The following PCNX1 variants were observed in gnomAD, a reference collection of about 807,000 sequenced individuals.
PCNX1 encodes the protein pecanex-like protein 1.
PCNX1 carries 78 observed loss-of-function variants against 242.2 expected under a neutral mutation model. The ratio of observed to expected loss-of-function variants is 0.32; its 90% CI spans 0.27 to 0.39. The LOEUF (loss-of-function observed/expected upper bound fraction) is 0.39, where lower values mean the gene tolerates loss of function less well. Among genes scored for constraint, PCNX1 ranks in the 10% least tolerant of loss-of-function variants. PCNX1 has a pLI of 1.00. For missense variants in PCNX1, 2,581 were observed against 2,856.5 expected, an observed-to-expected ratio of 0.90 and a Z score of 2.20; for synonymous variants, 1,024 against 1,032.9, an observed-to-expected ratio of 0.99 and a Z score of 0.17.
intron 5 of PCNX1, among the ~76,000 whole-genome samples, chr14:70,971,024 C>T (rs1038019307): frequency 2.0e-5 from 3 of 151,182 alleles, no homozygotes; most frequent in Non-Finnish European, 4.4e-5. Context: ...GAAACTTGCT[C>T]AAAGTCCCAC....
chr14:70,925,138 G>A (rs1037690595), intron 1 of PCNX1, among the ~76,000 whole-genome samples: 8 of 151,952 alleles, frequency 5.3e-5, no homozygotes, highest in Non-Finnish European at 7.4e-5. Context: ...ACAGGCGTGC[G>A]CCACAACGTC....
intron 13 of PCNX1, among the ~76,000 whole-genome samples, chr14:71,024,002 C>G (rs2060173167): frequency 6.6e-6 from 1 of 152,054 alleles, no homozygotes; most frequent in South Asian, 2.1e-4. Flanking sequence ...TATATGGAAA[C>G]ATTGCTTTTC....
intron 6 of PCNX1, among the ~76,000 whole-genome samples, chr14:70,981,446 C>A (rs2058837395): frequency 6.6e-6 from 1 of 152,080 alleles, no homozygotes; most frequent in Admixed American, 6.5e-5. Flanking sequence ...TTATTAACAT[C>A]AATTTAGTGA....
chr14:70,987,397 A>C (rs2059031168), intron 6 of PCNX1, among the ~76,000 whole-genome samples: 1 of 152,214 alleles, frequency 6.6e-6, no homozygotes, highest in South Asian at 2.1e-4. Context: ...AAATAGCCAC[A>C]TATGGCTAAT....
intron 13 of PCNX1, among the ~76,000 whole-genome samples, chr14:71,024,853 T>A (rs2060197718): frequency 6.6e-6 from 1 of 152,232 alleles, no homozygotes; most frequent in South Asian, 2.1e-4. Flanking sequence ...GATATTCACA[T>A]ATGTGCACTG....
Position 70,908,149 on chromosome 14 carries a change from G to A in PCNX1, c.153+146G>A, listed in dbSNP as rs1191088095. The A allele has an allele frequency of 5.7e-6, 4 of 699,324 alleles. No homozygotes were observed. The African/African-American group carries it at 7.6e-5, about 13-fold the overall frequency. The allele number at this position is 699,324 out of a possible 1,614,324, so 43.3% of individuals were successfully genotyped here. A position where few individuals can be genotyped will look rare whatever the true frequency, so the allele number is the denominator to read the frequency against. The stretch of plus-strand genomic sequence containing the variant: ...GTGAGGCTCCCCGCCCCCACTGCGT[G>A]CTCCCACTCCTCTCTTCGGGGCTTT... On this transcript the variant is annotated intron_variant, in intron 1 of 35. Transcript: ENST00000304743.
At position 71,110,219 on chromosome 14, in the gene PCNX1, T is replaced by C. The variant is rs1174127637; in HGVS notation, c.*284T>C. The stretch of plus-strand genomic sequence containing the variant: ...TTAAAATACATCCTTAAAAAAAGTT[T>C]TTCCTATGCATTGCCTATGCTTTAA... On this transcript the variant is annotated 3_prime_UTR_variant, in exon 36 of 36. Coordinates refer to ENST00000304743, the MANE Select transcript of PCNX1 (RefSeq NM_014982.3). 3.3e-5 allele frequency: 14 copies of C among 419,742 alleles called. No individual in the cohort carries two copies. The East Asian group carries it at 7.0e-4, about 21-fold the overall frequency. 26.0% of individuals were successfully genotyped at this position (419,742 alleles called of 1,614,324 possible).
chr14:70,991,570 G>A (rs2059168443), intron 7 of PCNX1, among the ~76,000 whole-genome samples: 1 of 152,138 alleles, frequency 6.6e-6, no homozygotes. Flanking sequence ...TAATCAGCTT[G>A]TAGTTTTTGT....
chr14:70,954,591 G>A (rs374765005), intron 2 of PCNX1, among the ~76,000 whole-genome samples: 5 of 152,010 alleles, frequency 3.3e-5, no homozygotes, highest in Non-Finnish European at 7.4e-5. Context: ...GGAAATTTAT[G>A]ATTTTATAGT....
At chr14:71,062,502 T>TA (rs1243471644) in intron 26 of PCNX1, among the ~76,000 whole-genome samples, 3 of 151,824 alleles carry the variant, frequency 2.0e-5, no homozygotes, top group Non-Finnish European at 4.4e-5. Flanking sequence ...GTTTAAAAAT[T>TA]AAAAAAATTT....
At chr14:70,961,802 C>G (rs995904983) in intron 2 of PCNX1, among the ~76,000 whole-genome samples, 13 of 152,038 alleles carry the variant, frequency 8.6e-5, no homozygotes, top group Admixed American at 7.9e-4. Context: ...AGACTGATCT[C>G]GAGGGGATTC....
At chr14:70,930,608 ATATT>A (rs1296913298) in intron 1 of PCNX1, among the ~76,000 whole-genome samples, 1 of 152,136 alleles carries the variant, frequency 6.6e-6, no homozygotes, top group Non-Finnish European at 1.5e-5. Flanking sequence ...TTATATTAAA[ATATT>A]TATGTAGCAG....
At chr14:71,066,422 G>T (rs2061448713) in intron 26 of PCNX1, among the ~76,000 whole-genome samples, 2 of 151,958 alleles carry the variant, frequency 1.3e-5, no homozygotes, top group East Asian at 3.9e-4. Flanking sequence ...TTTGTTATTG[G>T]TATATAGGAA....
At chr14:71,021,154 G>A (rs1350609049) in intron 12 of PCNX1, among the ~76,000 whole-genome samples, 1 of 152,104 alleles carries the variant, frequency 6.6e-6, no homozygotes, top group Non-Finnish European at 1.5e-5. Context: ...TGCTGTTTTG[G>A]TTACTGTAGC....
intron 3 of PCNX1, among the ~76,000 whole-genome samples, chr14:70,966,928 G>A (rs2058398061): frequency 6.6e-6 from 1 of 152,004 alleles, no homozygotes; most frequent in Admixed American, 6.6e-5. Flanking sequence ...TTTTCTTGCT[G>A]GCAAATTGCA....
At chr14:70,953,497 G>T (rs1450596334) in intron 2 of PCNX1, among the ~76,000 whole-genome samples, 1 of 150,554 alleles carries the variant, frequency 6.6e-6, no homozygotes, top group East Asian at 1.9e-4. Context: ...ATATATTCAT[G>T]CTATTCCTTT....
chr14:70,962,333 TAGGAACC>T lies in PCNX1; in HGVS notation c.468+3_468+9del. ...GCCGGTCTAGATCCAAGCAACCAGGTAGGAACCTGCGCTGTTTTATTTTGCCTTTTTC... is the reference window on the plus strand; with the variant it reads ...GCCGGTCTAGATCCAAGCAACCAGGTTGCGCTGTTTTATTTTGCCTTTTTC... On this transcript the variant is annotated splice_donor_5th_base_variant and intron_variant, in intron 3 of 35. Coordinates refer to ENST00000304743, the MANE Select transcript of PCNX1 (RefSeq NM_014982.3). 1 of 1,575,556 alleles carries T rather than the reference TAGGAACC, an allele frequency of 6.3e-7. No individual in the cohort carries two copies. Among genetic ancestry groups the T allele is most frequent in the African/African-American group, 1.3e-5 (1 of 74,226 alleles).
intron 3 of PCNX1, among the ~76,000 whole-genome samples, chr14:70,965,176 C>G (rs1447209604): frequency 6.6e-6 from 1 of 152,104 alleles, no homozygotes; most frequent in East Asian, 1.9e-4. Flanking sequence ...CCCATCATTT[C>G]CATTCTTTCT....
intron 1 of PCNX1, among the ~76,000 whole-genome samples, chr14:70,908,556 T>A (rs1315457715): frequency 6.6e-6 from 1 of 151,966 alleles, no homozygotes; most frequent in Non-Finnish European, 1.5e-5. Context: ...TGTGTGGGGG[T>A]CGTCCGGGCT....
Sources: gnomAD v4.1 joint callset for allele counts (sites outside exome capture counted in the v4.1 genomes callset) on GRCh38, gnomAD v4.1.1 for gene constraint, MANE v1.5 for transcripts, NCBI Gene and HGNC (gene_info 2026-07-23, HGNC 2026-07-21) for gene names.